The following FRRS1 variants were observed in gnomAD, a reference collection of about 807,000 sequenced individuals.
FRRS1 encodes ferric reductase 1.
A neutral mutation model predicts 70.7 loss-of-function variants in FRRS1; 51 were observed. That is an observed-to-expected ratio of 0.72 (90% CI 0.58 to 0.91). The LOEUF (loss-of-function observed/expected upper bound fraction) is 0.91, where lower values mean the gene tolerates loss of function less well. Among genes scored for constraint, FRRS1 ranks in the 40% least tolerant of loss-of-function variants. The probability of loss-of-function intolerance (pLI) is 0.00; values close to 1 mark genes in which losing one functional copy is unlikely to be tolerated. For missense variants in FRRS1, 672 were observed against 726.0 expected (o/e 0.93, Z 0.86); for synonymous variants, 225 against 238.7 (o/e 0.94, Z 0.53).
At chr1:99,718,429 A>G (rs1426452542) in intron 10 of FRRS1, among the ~76,000 whole-genome samples, 1 of 152,164 alleles carries the variant, frequency 6.6e-6, no homozygotes, top group Admixed American at 6.5e-5. Flanking sequence ...TCTGGGTTCA[A>G]GAAATTCTCC....
rs536619425 is a variant in FRRS1 at position 99,757,367 on chromosome 1, T to A, written c.-105-8366A>T. 3.3e-3 allele frequency among the ~76,000 whole-genome samples: 498 copies of A among 152,226 alleles called. 1 individual carries two copies. The highest frequency in any genetic ancestry group is 0.01 in the Middle Eastern group (3 of 294). On this transcript the variant is annotated intron_variant, in intron 1 of 16. Coordinates refer to ENST00000646001, the MANE Select transcript of FRRS1 (RefSeq NM_001361041.2). ...TTTCAGCCTTGAATCAAATTCTAAA[T>A]TAAGAGTATCAAGAATTTCAGTAAA...
At position 99,748,659 on chromosome 1, in the gene FRRS1, G is replaced by C; in HGVS notation, c.110C>G (p.Pro37Arg). ...KVTQSCHGMI[P>R]EHGHSPQSVP... ...AGACTGTGGACTATGACCATGTTCA[G>C]GAATCATTCCATGGCATGACTGTGT... The change falls in exon 3 of 17, where the codon CCT (proline) becomes CGT (arginine). Residue 37 changes from proline to arginine, a missense_variant. By Grantham distance (103) the Pro-to-Arg change is moderately radical. Coordinates refer to ENST00000646001, the MANE Select transcript of FRRS1 (RefSeq NM_001361041.2). The C allele has an allele frequency of 1.9e-6, 3 of 1,613,906 alleles. No homozygotes were observed. Among genetic ancestry groups the C allele is most frequent in the South Asian group, 2.2e-5 (2 of 91,072 alleles).
chr1:99,706,902 AAG>A lies in FRRS1; in HGVS notation c.*2124_*2125del, dbSNP rs1491022951. On this transcript the variant is annotated 3_prime_UTR_variant, in exon 17 of 17. Transcript: ENST00000646001. The stretch of plus-strand genomic sequence containing the variant: ...GTGAGACTTTGTCACAAAAAAAAAA[AAG>A]AGAGAATTTTTCTTTGTCAGATGTA... Among the ~76,000 whole-genome samples the A allele has an allele frequency of 6.6e-6, 1 of 152,066 alleles. No individual in the cohort carries two copies. The highest frequency in any genetic ancestry group is 1.5e-5 in the Non-Finnish European group (1 of 68,034).
At position 99,708,614 on chromosome 1, in the gene FRRS1, AAAAAAAAAAAAATATAT is replaced by A. The variant is rs1196014997; in HGVS notation, c.*397_*413del. 1 of 92,458 alleles carries A rather than the reference AAAAAAAAAAAAATATAT, an allele frequency of 1.1e-5. No individual in the cohort carries two copies. Among genetic ancestry groups the A allele is most frequent in the African/African-American group, 4.9e-5 (1 of 20,526 alleles). The allele number at this position is 92,458 out of a possible 1,614,324, so 5.7% of individuals were successfully genotyped here. A position where few individuals can be genotyped will look rare whatever the true frequency, so the allele number is the denominator to read the frequency against. On this transcript the variant is annotated 3_prime_UTR_variant, in exon 17 of 17. Coordinates refer to ENST00000646001, the MANE Select transcript of FRRS1 (RefSeq NM_001361041.2). Reference sequence around the variant, plus strand: ...CTCTGTCTCAAAAAAAAAAAAAAAAAAAAAAAAAAAAATATATATATATATATATATATATATATATA... The same window carrying A: ...CTCTGTCTCAAAAAAAAAAAAAAAAAATATATATATATATATATATATATA...
intron 10 of FRRS1, 82 bp downstream of exon 10, chr1:99,719,452 A>T: frequency 1.3e-6 from 1 of 746,600 alleles, no homozygotes; most frequent in Non-Finnish European, 2.4e-6. Flanking sequence ...TAGCTACATT[A>T]TACCCACAGC....
chr1:99,755,781 A>G (rs1243937710), intron 1 of FRRS1, among the ~76,000 whole-genome samples: 2 of 152,218 alleles, frequency 1.3e-5, no homozygotes, highest in Non-Finnish European at 2.9e-5. Flanking sequence ...GTGGAAAAGC[A>G]TATTGGGAAT....
At chr1:99,754,482 T>C (rs1208006210) in intron 1 of FRRS1, among the ~76,000 whole-genome samples, 1 of 133,954 alleles carries the variant, frequency 7.5e-6, no homozygotes, top group African/African-American at 3.1e-5. Flanking sequence ...TGAGACCTTG[T>C]CTCAAAGAGA....
chr1:99,753,364 T>G (rs1571152479), intron 1 of FRRS1, among the ~76,000 whole-genome samples: 1 of 151,664 alleles, frequency 6.6e-6, no homozygotes, highest in Non-Finnish European at 1.5e-5. Context: ...TTTTCTTTTT[T>G]TAATAATTTT....
At chr1:99,712,210 T>C (rs1557682529) in intron 13 of FRRS1, 47 bp from the exon 14 acceptor site, 5 of 1,258,828 alleles carry the variant, frequency 4.0e-6, no homozygotes, top group Non-Finnish European at 5.8e-6. Context: ...AATGGAACTA[T>C]AATTAATTCC....
At chr1:99,730,949 T>A (rs1445156559) in intron 7 of FRRS1, among the ~76,000 whole-genome samples, 2 of 150,138 alleles carry the variant, frequency 1.3e-5, no homozygotes, top group African/African-American at 4.9e-5. Flanking sequence ...GGCAGGAGAA[T>A]CACTTGAGCC....
Position 99,726,187 on chromosome 1 carries a change from T to A in FRRS1, c.1006+2306A>T, listed in dbSNP as rs148108272. Among the ~76,000 whole-genome samples, 252 of 152,280 alleles carry A rather than the reference T, an allele frequency of 1.7e-3. 2 individuals are homozygous for A. Among genetic ancestry groups the A allele is most frequent in the African/African-American group, 5.8e-3 (241 of 41,560 alleles). On this transcript the variant is annotated intron_variant, in intron 9 of 16. Transcript: ENST00000646001. The stretch of plus-strand genomic sequence containing the variant: ...ACGTGTGGCACTTCCACCTTCACTC[T>A]CTCTCTCTCCTGTCACCATGTAAGA...
chr1:99,753,106 A>C lies in FRRS1; in HGVS notation c.-105-4105T>G, dbSNP rs200485912. On this transcript the variant is annotated intron_variant, in intron 1 of 16. Transcript: ENST00000646001. ...CACGTGCCTATGACCCCAGCTACTT[A>C]AGAGGCTGAGGCAGGAGGATCCATT... Among the ~76,000 whole-genome samples, 8 of 152,006 alleles carry C rather than the reference A, an allele frequency of 5.3e-5. No homozygotes were observed. In the East Asian group the frequency reaches 9.7e-4, roughly 18 times the overall value.
chr1:99,756,796 T>C (rs1656857360), intron 1 of FRRS1, among the ~76,000 whole-genome samples: 1 of 152,190 alleles, frequency 6.6e-6, no homozygotes, highest in South Asian at 2.1e-4. Flanking sequence ...CATGTCTAGT[T>C]ATATTGCATT....
At chr1:99,731,690 T>C (rs1228821415) in intron 7 of FRRS1, among the ~76,000 whole-genome samples, 1 of 152,264 alleles carries the variant, frequency 6.6e-6, no homozygotes, top group Non-Finnish European at 1.5e-5. Context: ...CAGCCACATT[T>C]ATTCATGTAC....
At chr1:99,723,342 C>A (rs1270330909) in intron 9 of FRRS1, among the ~76,000 whole-genome samples, 1 of 151,996 alleles carries the variant, frequency 6.6e-6, no homozygotes, top group Non-Finnish European at 1.5e-5. Flanking sequence ...ATGACGAGAC[C>A]CCATTTCTAC....
At chr1:99,749,550 C>G (rs1214717447) in intron 1 of FRRS1, among the ~76,000 whole-genome samples, 1 of 152,152 alleles carries the variant, frequency 6.6e-6, no homozygotes, top group Non-Finnish European at 1.5e-5. Flanking sequence ...TCCCAACTTC[C>G]TATTAAACTG....
intron 1 of FRRS1, among the ~76,000 whole-genome samples, chr1:99,761,692 C>T (rs749726668): frequency 6.6e-5 from 10 of 152,046 alleles, no homozygotes; most frequent in Non-Finnish European, 1.5e-4. Flanking sequence ...CACAGTCCTG[C>T]TTTACATGTA....
chr1:99,728,697 G>A, intron 8 of FRRS1, 57 bp from the exon 9 acceptor site: 1 of 1,507,348 alleles, frequency 6.6e-7, no homozygotes, highest in Admixed American at 1.7e-5. Flanking sequence ...CTAAAAATAA[G>A]ATATGATCAA....
rs745865286 is a variant in FRRS1, at chr1:99,709,039, T to A, written c.1768A>T (p.Asn590Tyr). 1.2e-5 allele frequency: 20 copies of A among 1,613,894 alleles called. No individual in the cohort carries two copies. The South Asian group carries it at 1.4e-4, about 12-fold the overall frequency. The part of the protein sequence containing the change: ...TFLIIFLSAI[N>Y]HL ...AGGTCTTTGCTTGCTCATAGATGGT[T>A]GATTGCAGATAAAAATATGATGAGA... The change falls in exon 17 of 17, where the codon AAC (asparagine) becomes TAC (tyrosine). Residue 590 changes from asparagine (N) to tyrosine (Y), a missense_variant. Transcript: ENST00000646001.
Sources: allele counts gnomAD v4.1 joint callset (sites outside exome capture counted in the v4.1 genomes callset), GRCh38; gene constraint gnomAD v4.1.1; transcripts MANE v1.5; gene names NCBI Gene and HGNC (gene_info 2026-07-23, HGNC 2026-07-21).